GMDS: variants seen among roughly 807,000 people sequenced by gnomAD.
GMDS encodes GDP-mannose 4,6-dehydratase, also known as GDP-mannose 4,6 dehydratase.
In GMDS, 20 loss-of-function variants were observed where a neutral mutation model predicts 49.9. The ratio of observed to expected loss-of-function variants is 0.40; its 90% confidence interval spans 0.28 to 0.58. The LOEUF (loss-of-function observed/expected upper bound fraction) is 0.58, where lower values mean the gene tolerates loss of function less well. Among genes scored for constraint, GMDS ranks in the 20% least tolerant of loss-of-function variants. The pLI, the probability that GMDS is intolerant of heterozygous loss-of-function variation, is 0.42. For missense variants in GMDS, 362 were observed against 481.4 expected, an observed-to-expected ratio of 0.75 and a Z score of 2.32; for synonymous variants, 177 against 178.6, an observed-to-expected ratio of 0.99 and a Z score of 0.07.
At chr6:1,915,299 G>A (rs999550107) in intron 7 of GMDS, among the ~76,000 whole-genome samples, 1 of 152,228 alleles carries the variant, frequency 6.6e-6, no homozygotes, top group African/African-American at 2.4e-5. Context: ...TCACAGGGCT[G>A]AGAATAAAGC....
intron 7 of GMDS, among the ~76,000 whole-genome samples, chr6:1,768,442 A>T (rs1427760279): frequency 6.6e-6 from 1 of 152,250 alleles, no homozygotes; most frequent in Non-Finnish European, 1.5e-5. Context: ...AATATATGAC[A>T]GATAAGATAC....
chr6:2,085,242 T>G (rs1339919215), intron 4 of GMDS, among the ~76,000 whole-genome samples: 1 of 152,200 alleles, frequency 6.6e-6, no homozygotes, highest in Non-Finnish European at 1.5e-5. Flanking sequence ...ATCTTTTTTA[T>G]TCCTTTCTTT....
intron 7 of GMDS, among the ~76,000 whole-genome samples, chr6:1,791,636 A>G (rs1769546952): frequency 6.6e-6 from 1 of 152,218 alleles, no homozygotes; most frequent in Non-Finnish European, 1.5e-5. Context: ...CTGGTTTTGT[A>G]AAATCAGAAA....
At chr6:1,749,241 C>T (rs1052828730) in intron 7 of GMDS, among the ~76,000 whole-genome samples, 2 of 152,184 alleles carry the variant, frequency 1.3e-5, no homozygotes, top group African/African-American at 2.4e-5. Flanking sequence ...TGCCTTTACC[C>T]CAGATCACAA....
At chr6:1,699,558 C>T (rs1435314678) in intron 9 of GMDS, among the ~76,000 whole-genome samples, 1 of 152,170 alleles carries the variant, frequency 6.6e-6, no homozygotes, top group East Asian at 1.9e-4. Context: ...CCTTGTCCAG[C>T]TTCTAGAGGC....
At chr6:1,867,989 G>C (rs115155562) in intron 7 of GMDS, among the ~76,000 whole-genome samples, 2 of 151,352 alleles carry the variant, frequency 1.3e-5, no homozygotes, top group African/African-American at 4.9e-5. Flanking sequence ...CTCAACAGCT[G>C]TTCTTTTTTT....
chr6:1,832,836 A>G (rs1316304195), intron 7 of GMDS, among the ~76,000 whole-genome samples: 1 of 152,216 alleles, frequency 6.6e-6, no homozygotes, highest in Non-Finnish European at 1.5e-5. Flanking sequence ...TTTGCCTGCC[A>G]CAGACCTGAT....
intron 1 of GMDS, among the ~76,000 whole-genome samples, chr6:2,159,112 T>C (rs924999104): frequency 6.6e-6 from 1 of 152,236 alleles, no homozygotes; most frequent in Non-Finnish European, 1.5e-5. Flanking sequence ...TTCTATCACA[T>C]GTTAAGTTAA....
chr6:1,624,553 A>C lies in GMDS; in HGVS notation c.988-13T>G. 6.2e-7 allele frequency: 1 copy of C among 1,600,186 alleles called. No individual in the cohort carries two copies. On this transcript the variant is annotated splice_polypyrimidine_tract_variant and intron_variant, in intron 9 of 10. Coordinates refer to ENST00000380815, the MANE Select transcript of GMDS (RefSeq NM_001500.4). The stretch of plus-strand genomic sequence containing the variant: ...CCTGCAGAAAGTCCTAGGGAAGAAG[A>C]GGGGGAGACGAAGCAGGCGTGGGTC...
intron 4 of GMDS, among the ~76,000 whole-genome samples, chr6:2,001,159 G>A (rs1766795696): frequency 6.6e-6 from 1 of 152,128 alleles, no homozygotes; most frequent in Non-Finnish European, 1.5e-5. Flanking sequence ...CACCTGTTAT[G>A]ATCTGACTTT....
Position 1,906,641 on chromosome 6 carries a change from G to A in GMDS, c.771+23462C>T, listed in dbSNP as rs1760789810. On this transcript the variant is annotated intron_variant, in intron 7 of 10. Coordinates refer to ENST00000380815, the MANE Select transcript of GMDS (RefSeq NM_001500.4). ...GTTAGTGGGGTGTGAAGCCCAAAAT[G>A]CTGGCCATTCACAAGACCTGTGAAG... 2.6e-5 allele frequency among the ~76,000 whole-genome samples: 4 copies of A among 152,292 alleles called. 1 individual carries two copies. The South Asian group carries it at 8.3e-4, about 32-fold the overall frequency.
rs113786678 is a variant in GMDS, at chr6:1,650,022, G to T, written c.988-25482C>A. Among the ~76,000 whole-genome samples, 5 of 152,286 alleles carry T rather than the reference G, an allele frequency of 3.3e-5. No homozygotes were observed. The South Asian group carries it at 8.3e-4, about 25-fold the overall frequency. On this transcript the variant is annotated intron_variant, in intron 9 of 10. Transcript: ENST00000380815. Reference sequence around the variant, plus strand: ...TAACTTCCGAAGTGATGATCTTGCCGTCTGACCTTGGGCAAGCAACGACTT... The same window carrying T: ...TAACTTCCGAAGTGATGATCTTGCCTTCTGACCTTGGGCAAGCAACGACTT...
chr6:2,184,581 T>C (rs1349015930), intron 1 of GMDS, among the ~76,000 whole-genome samples: 1 of 152,210 alleles, frequency 6.6e-6, no homozygotes, highest in East Asian at 1.9e-4. Context: ...TGCCCGGACC[T>C]ACATAGCTAT....
At chr6:2,198,445 T>C (rs1374312700) in intron 1 of GMDS, among the ~76,000 whole-genome samples, 1 of 152,198 alleles carries the variant, frequency 6.6e-6, no homozygotes, top group Non-Finnish European at 1.5e-5. Context: ...CCTTCAATTC[T>C]GTTTTTCTTT....
At chr6:2,155,811 C>T (rs1024965598) in intron 1 of GMDS, among the ~76,000 whole-genome samples, 1 of 152,104 alleles carries the variant, frequency 6.6e-6, no homozygotes, top group African/African-American at 2.4e-5. Context: ...AGTATCTCTG[C>T]TGAAAAGTAT....
intron 7 of GMDS, among the ~76,000 whole-genome samples, chr6:1,896,706 C>CCTTT (rs1467945336): frequency 6.6e-6 from 1 of 152,116 alleles, no homozygotes; most frequent in African/African-American, 2.4e-5. Flanking sequence ...GAAATCTGAA[C>CCTTT]AAAGGAATAC....
At chr6:2,035,586 T>G (rs1769255908) in intron 4 of GMDS, among the ~76,000 whole-genome samples, 1 of 152,106 alleles carries the variant, frequency 6.6e-6, no homozygotes, top group Non-Finnish European at 1.5e-5. Context: ...CTCAAATTTG[T>G]GTCAATTATA....
chr6:1,732,658 A>C (rs1766857827), intron 8 of GMDS, among the ~76,000 whole-genome samples: 1 of 152,252 alleles, frequency 6.6e-6, no homozygotes, highest in Non-Finnish European at 1.5e-5. Flanking sequence ...TAAATAAGAC[A>C]GTGTACCACA....
At chr6:1,917,831 A>G (rs1761480585) in intron 7 of GMDS, among the ~76,000 whole-genome samples, 1 of 152,232 alleles carries the variant, frequency 6.6e-6, no homozygotes, top group Non-Finnish European at 1.5e-5. Context: ...CCCACAGACT[A>G]TCGCTCTGCT....
Sources: allele counts gnomAD v4.1 joint callset (sites outside exome capture counted in the v4.1 genomes callset), GRCh38; gene constraint gnomAD v4.1.1; transcripts MANE v1.5; gene names NCBI Gene and HGNC (gene_info 2026-07-23, HGNC 2026-07-21).